The following MYO7B variants were observed in gnomAD, a reference collection of about 807,000 sequenced individuals.
MYO7B encodes unconventional myosin-VIIb.
MYO7B carries 212 observed loss-of-function variants against 259.7 expected under a neutral mutation model. That is an observed-to-expected ratio of 0.82 (90% CI 0.73 to 0.91). MYO7B has a LOEUF of 0.91. Among genes scored for constraint, MYO7B ranks in the 40% least tolerant of loss-of-function variants. The probability of loss-of-function intolerance (pLI) is 0.00; values close to 1 mark genes in which losing one functional copy is unlikely to be tolerated. For missense variants in MYO7B, 2,732 were observed against 2,813.5 expected (o/e 0.97, Z 0.66); for synonymous variants, 1,197 against 1,166.4 (o/e 1.03, Z -0.54).
intron 4 of MYO7B, 144 bp downstream of exon 4, chr2:127,565,529 T>C: frequency 1.8e-6 from 2 of 1,142,548 alleles, no homozygotes; most frequent in South Asian, 1.5e-5. Context: ...CTTTTCCCAA[T>C]CTCTGCTGCC....
intron 16 of MYO7B, among the ~76,000 whole-genome samples, chr2:127,591,908 C>T (rs1346996439): frequency 1.3e-5 from 2 of 152,236 alleles, no homozygotes; most frequent in African/African-American, 2.4e-5. Flanking sequence ...TCCACTCCTC[C>T]GCCCCAGCCA....
intron 26 of MYO7B, among the ~76,000 whole-genome samples, chr2:127,616,213 C>G (rs1242876163): frequency 6.6e-6 from 1 of 152,170 alleles, no homozygotes; most frequent in African/African-American, 2.4e-5. Flanking sequence ...TTATCCTTCT[C>G]CTGCAATAAC....
intron 26 of MYO7B, among the ~76,000 whole-genome samples, 188 bp downstream of exon 26, chr2:127,612,791 G>T (rs899193519): frequency 6.6e-6 from 1 of 152,180 alleles, no homozygotes; most frequent in Non-Finnish European, 1.5e-5. Flanking sequence ...TTTTAAAAAA[G>T]CCATGAGTAA....
chr2:127,552,695 A>C (rs1693491785), intron 1 of MYO7B, among the ~76,000 whole-genome samples: 1 of 152,158 alleles, frequency 6.6e-6, no homozygotes, highest in African/African-American at 2.4e-5. Context: ...GGGCAGGACC[A>C]CGGGTGGGCC....
chr2:127,622,034 C>T lies in MYO7B; in HGVS notation c.3578C>T (p.Ala1193Val), dbSNP rs61745260. 1.4e-3 allele frequency: 2,116 copies of T among 1,551,778 alleles called. 21 individuals are homozygous for T. In the African/African-American group the frequency reaches 0.023, roughly 17 times the overall value. Residue 1193 changes from alanine to valine, a missense_variant, in exon 28 of 48, where the codon GCC (alanine) becomes GTC (valine). Transcript: ENST00000409816. ...CCGGCGACCTACGGCCCCTTCTGTG[C>T]CGAGCGCCTGAGACGCACCTATGCC... ...QGPATYGPFC[A>V]ERLRRTYANG... is the part of the protein sequence containing the mutation.
chr2:127,576,922 C>T lies in MYO7B; in HGVS notation c.849+214C>T, dbSNP rs546215351. The stretch of plus-strand genomic sequence containing the variant: ...CTTCCCCGTCACATGTACCCCATGC[C>T]CCAGGCTGGACCCGGGGCCTCCCCG... On this transcript the variant is annotated intron_variant, in intron 8 of 47. Coordinates refer to ENST00000409816, the MANE Select transcript of MYO7B (RefSeq NM_001393586.1). The surrounding 1 kb of genome is among the most constrained non-coding windows in gnomAD (Gnocchi z 4.9). Among the ~76,000 whole-genome samples, 2 of 152,210 alleles carry T rather than the reference C, an allele frequency of 1.3e-5. No individual in the cohort carries two copies. Among genetic ancestry groups the T allele is most frequent in the East Asian group, 3.9e-4 (2 of 5,146 alleles).
At chr2:127,610,475 G>A (rs10928774) in intron 24 of MYO7B, among the ~76,000 whole-genome samples, 24,229 of 152,210 alleles carry the variant, frequency 0.16, 2,207 homozygotes, top group South Asian at 0.3. Flanking sequence ...CAGTGGACAT[G>A]TGTATGGGAC....
chr2:127,553,012 C>G (rs1479217114), intron 1 of MYO7B, among the ~76,000 whole-genome samples: 1 of 152,214 alleles, frequency 6.6e-6, no homozygotes, highest in African/African-American at 2.4e-5. Flanking sequence ...AGTTTTCTCA[C>G]CTGTAAAACA....
At chr2:127,582,093 G>A in intron 11 of MYO7B, 83 bp downstream of exon 11, 1 of 1,591,950 alleles carries the variant, frequency 6.3e-7, no homozygotes, top group Admixed American at 1.7e-5. Context: ...AGGGCAGGAT[G>A]GAGCAGAGGG....
intron 1 of MYO7B, among the ~76,000 whole-genome samples, chr2:127,536,853 G>A (rs991956372): frequency 2.0e-5 from 3 of 152,134 alleles, no homozygotes; most frequent in African/African-American, 7.2e-5. Flanking sequence ...ACCTGCTGGG[G>A]GCCCTACGTC....
chr2:127,589,518 A>G (rs1679460200), intron 15 of MYO7B, among the ~76,000 whole-genome samples: 1 of 136,994 alleles, frequency 7.3e-6, no homozygotes, highest in Admixed American at 7.5e-5. Flanking sequence ...AGAGGGGTGG[A>G]GAGCATGGCC....
rs748231054 is a variant in MYO7B at position 127,582,000 on chromosome 2, C to G, written c.1190C>G (p.Ala397Gly). The change falls in exon 11 of 48, where the codon GCC (alanine) becomes GGC (glycine). Residue 397 changes from alanine (A) to glycine (G), a missense_variant. This residue lies in a region of MYO7B where 1,906 missense variants were observed against 2,026.4 expected (regional missense o/e 0.94). Coordinates refer to ENST00000409816, the MANE Select transcript of MYO7B (RefSeq NM_001393586.1). ...GCCCAGGCTGCTGACCGGAGGGACG[C>G]CTTTGTCAAGGTACAGAGCTGAGAG... ...NIAQAADRRDAFVKGIYGHLF... is the reference protein window; with the variant it reads ...NIAQAADRRDGFVKGIYGHLF... 6.2e-7 allele frequency: 1 copy of G among 1,613,838 alleles called. No homozygotes were observed. Among genetic ancestry groups the G allele is most frequent in the South Asian group, 1.1e-5 (1 of 91,080 alleles).
At chr2:127,617,550 C>T (rs1196456340) in intron 26 of MYO7B, among the ~76,000 whole-genome samples, 3 of 127,462 alleles carry the variant, frequency 2.4e-5, no homozygotes, top group African/African-American at 9.6e-5. Flanking sequence ...GGCCAGACTG[C>T]GGACTGCAGT....
In MYO7B at chr2:127,612,613, C is replaced by T. The variant is rs899417738; in HGVS notation, c.3398+10C>T. 6.2e-7 allele frequency: 1 copy of T among 1,609,406 alleles called. No homozygotes were observed. On this transcript the variant is annotated intron_variant, in intron 26 of 47. Transcript: ENST00000409816. ...TGCGGCCCAGCCTCAGGTCAGTTCC[C>T]ACTCCCATCCCGGCCCCATTCAGAG... is the stretch of plus-strand genomic sequence containing the variant.
At chr2:127,630,751 G>C (rs757895057) in intron 35 of MYO7B, 27 bp from the exon 36 acceptor site, 5 of 1,609,590 alleles carry the variant, frequency 3.1e-6, no homozygotes, top group Non-Finnish European at 4.2e-6. Context: ...TGGCTCCTGG[G>C]CACCCACAGG....
rs187821127 is a variant in MYO7B, at chr2:127,598,888, G to C, written c.2339+2332G>C. Among the ~76,000 whole-genome samples, 95 of 152,228 alleles carry C rather than the reference G, an allele frequency of 6.2e-4. 1 individual carries two copies. The East Asian group carries it at 0.011, about 17-fold the overall frequency. On this transcript the variant is annotated intron_variant, in intron 19 of 47. Coordinates refer to ENST00000409816, the MANE Select transcript of MYO7B (RefSeq NM_001393586.1). ...TCTTTATCAAAACCTAGCGGTGTGG[G>C]TCTGTTTCTATGTTCTCTATCCCAT... is the stretch of plus-strand genomic sequence containing the variant.
At chr2:127,632,481 A>C in intron 39 of MYO7B, 80 bp downstream of exon 39, 1 of 1,474,856 alleles carries the variant, frequency 6.8e-7, no homozygotes, top group Non-Finnish European at 9.0e-7. Flanking sequence ...CCAGCCTTCC[A>C]GGAGCTCATG....
intron 1 of MYO7B, among the ~76,000 whole-genome samples, chr2:127,555,237 G>A (rs761199093): frequency 1.3e-5 from 2 of 152,158 alleles, no homozygotes; most frequent in Non-Finnish European, 2.9e-5. Context: ...TTGAGCCACC[G>A]TGCCTGGCCG....
chr2:127,573,327 T>C (rs1678725269), intron 6 of MYO7B, among the ~76,000 whole-genome samples: 1 of 152,248 alleles, frequency 6.6e-6, no homozygotes, highest in South Asian at 2.1e-4. Context: ...TGGACATGTG[T>C]ATATACTAGG....
Sources: gnomAD v4.1 joint callset for allele counts (sites outside exome capture counted in the v4.1 genomes callset) on GRCh38, gnomAD v4.1.1 for gene constraint, gnomAD v4.1.1 regional missense constraint, Gnocchi (gnomAD v3.1) non-coding constraint, MANE v1.5 for transcripts, NCBI Gene and HGNC (gene_info 2026-07-23, HGNC 2026-07-21) for gene names.